Variants in TACC2 observed in about 807,000 individuals in gnomAD.
The protein encoded by TACC2 is transforming acidic coiled-coil containing protein 2.
In TACC2, 137 loss-of-function variants were observed where a neutral mutation model predicts 227.3. That is an observed-to-expected ratio of 0.60 (90% CI 0.52 to 0.69). The LOEUF is 0.69. Among genes scored for constraint, TACC2 ranks in the 30% least tolerant of loss-of-function variants. The pLI, the probability that TACC2 is intolerant of heterozygous loss-of-function variation, is 0.00. For synonymous variants in TACC2, 1,523 were observed against 1,487.5 expected (o/e 1.02, Z -0.55); for missense variants, 3,470 against 3,694.4 (o/e 0.94, Z 1.57).
At chr10:122,008,264 A>ATTATTATTGTAT in intron 1 of TACC2, among the ~76,000 whole-genome samples, 1 of 134,654 alleles carries the variant, frequency 7.4e-6, no homozygotes, top group Non-Finnish European at 1.6e-5. Flanking sequence ...TATTATTATT[A>ATTATTATTGTAT]TTTTTTTTTT....
chr10:122,153,081 C>A (rs1390355823), intron 7 of TACC2, among the ~76,000 whole-genome samples: 2 of 145,716 alleles, frequency 1.4e-5, no homozygotes, highest in Non-Finnish European at 3.0e-5. Flanking sequence ...CTGCAGCCTC[C>A]GCCTCCCAGG....
intron 7 of TACC2, among the ~76,000 whole-genome samples, chr10:122,144,840 C>T (rs910155681): frequency 5.9e-5 from 9 of 152,176 alleles, no homozygotes; most frequent in African/African-American, 2.2e-4. Context: ...GAGGGACTTT[C>T]CATCCTTCAG....
intron 3 of TACC2, among the ~76,000 whole-genome samples, chr10:122,081,888 T>C (rs1164461219): frequency 6.6e-6 from 1 of 152,196 alleles, no homozygotes; most frequent in Non-Finnish European, 1.5e-5. Flanking sequence ...CAGGAATGGC[T>C]CTTTATTTCA....
intron 1 of TACC2, among the ~76,000 whole-genome samples, chr10:122,008,956 AT>A (rs1955594126): frequency 6.6e-6 from 1 of 152,180 alleles, no homozygotes; most frequent in East Asian, 1.9e-4. Flanking sequence ...TTTTTAAAGA[AT>A]TTTCTATGTT....
chr10:122,130,439 C>T (rs948381140), intron 5 of TACC2, among the ~76,000 whole-genome samples: 1 of 152,022 alleles, frequency 6.6e-6, no homozygotes, highest in Non-Finnish European at 1.5e-5. Flanking sequence ...TATACTCTTC[C>T]TTTTTTAAGC....
chr10:122,184,587 C>T (rs553007562), intron 7 of TACC2, among the ~76,000 whole-genome samples: 33 of 152,304 alleles, frequency 2.2e-4, no homozygotes, highest in African/African-American at 6.5e-4. Flanking sequence ...CTGCATCCTC[C>T]CTTGTACGAA....
At chr10:122,144,011 A>G (rs1032698208) in intron 7 of TACC2, among the ~76,000 whole-genome samples, 2 of 152,128 alleles carry the variant, frequency 1.3e-5, no homozygotes, top group African/African-American at 2.4e-5. Flanking sequence ...ATTTATATGT[A>G]TATATATATG....
intron 1 of TACC2, among the ~76,000 whole-genome samples, chr10:122,008,196 T>C (rs926467050): frequency 6.6e-6 from 1 of 152,026 alleles, no homozygotes; most frequent in Non-Finnish European, 1.5e-5. Context: ...TTTTTCCCCC[T>C]AGAAGCCATG....
intron 3 of TACC2, among the ~76,000 whole-genome samples, chr10:122,057,833 AC>A (rs2076367456): frequency 1.3e-5 from 2 of 152,124 alleles, no homozygotes; most frequent in Non-Finnish European, 1.5e-5. Flanking sequence ...TCTCAAAAAA[AC>A]AAAAACAAAA....
In TACC2 at chr10:122,050,518, G is replaced by A; in HGVS notation, c.114G>A (p.Thr38=). ...SQNIKRKQQD[T]PGSPDHRDAS... is the part of the protein sequence containing the mutation. ...ATATAAAAAGGAAGCAGCAGGACAC[G>A]CCCGGAAGCCCTGACCACAGAGACG... The change falls in exon 3 of 23, where the codon ACG becomes ACA. Residue 38 remains threonine, a synonymous_variant. Coordinates refer to ENST00000369005, the MANE Select transcript of TACC2 (RefSeq NM_206862.4). This position sits in a 1 kb window ranked among gnomAD's most constrained non-coding sequence, Gnocchi z 4.6. The A allele has an allele frequency of 4.3e-6, 7 of 1,614,016 alleles. No individual in the cohort carries two copies. Among genetic ancestry groups the A allele is most frequent in the South Asian group, 1.1e-5 (1 of 91,058 alleles).
In TACC2 at chr10:122,211,192, C is replaced by G. The variant is rs774912294; in HGVS notation, c.6767C>G (p.Ser2256Cys). The G allele has an allele frequency of 6.2e-7, 1 of 1,613,548 alleles. No homozygotes were observed. The highest frequency in any genetic ancestry group is 1.3e-5 in the African/African-American group (1 of 74,912). Residue 2256 changes from serine to cysteine, a missense_variant, in exon 9 of 23, where the codon TCT becomes TGT. This residue lies in a region of TACC2 where 593 missense variants were observed against 636.6 expected (regional missense o/e 0.93). Coordinates refer to ENST00000369005, the MANE Select transcript of TACC2 (RefSeq NM_206862.4). ...TPSDSGGQED[S>C]PAKGLSVRLE... is the part of the protein sequence containing the mutation. ...TCGGATAGCGGGGGGCAAGAGGACT[C>G]TCCAGCCAAAGGGCTCTCCGTAAGG...
chr10:122,245,430 T>C (rs1468313360), intron 19 of TACC2, among the ~76,000 whole-genome samples: 1 of 152,192 alleles, frequency 6.6e-6, no homozygotes, highest in African/African-American at 2.4e-5. Flanking sequence ...GGAAATCAGA[T>C]GGACTTGGTT....
chr10:122,035,093 C>T (rs1959837770), intron 2 of TACC2, among the ~76,000 whole-genome samples: 1 of 152,160 alleles, frequency 6.6e-6, no homozygotes, highest in African/African-American at 2.4e-5. Flanking sequence ...CTTGGGGGAT[C>T]CTAGTCCAGG....
chr10:122,060,245 C>G (rs1244620766), intron 3 of TACC2, among the ~76,000 whole-genome samples: 1 of 152,160 alleles, frequency 6.6e-6, no homozygotes, highest in African/African-American at 2.4e-5. Flanking sequence ...GGATTTCCTT[C>G]TGGTGCTGGG....
At chr10:122,217,437 C>CTTTTTTTTTTTTTTT (rs35233150) in intron 11 of TACC2, among the ~76,000 whole-genome samples, 5 of 93,242 alleles carry the variant, frequency 5.4e-5, no homozygotes, top group Admixed American at 2.9e-4. Context: ...TTTCTTTTTT[C>CTTTTTTTTTTTTTTT]TTTTTTTTTT....
chr10:122,155,668 T>A (rs945621205), intron 7 of TACC2, among the ~76,000 whole-genome samples: 2 of 152,144 alleles, frequency 1.3e-5, no homozygotes, highest in African/African-American at 4.8e-5. Context: ...GCCACGTGTC[T>A]GCTGTGGGCC....
intron 7 of TACC2, among the ~76,000 whole-genome samples, chr10:122,172,753 G>C (rs2140103735): frequency 6.6e-6 from 1 of 152,210 alleles, no homozygotes; most frequent in South Asian, 2.1e-4. Context: ...GGGGAGTGAG[G>C]AGCATCCCTC....
At chr10:122,171,390 C>G (rs1018002848) in intron 7 of TACC2, among the ~76,000 whole-genome samples, 1 of 152,198 alleles carries the variant, frequency 6.6e-6, no homozygotes, top group African/African-American at 2.4e-5. Context: ...CAGGGTTTCC[C>G]GGAGCCCTAC....
intron 5 of TACC2, among the ~76,000 whole-genome samples, chr10:122,124,560 A>G (rs4405248): frequency 0.61 from 93,250 of 152,104 alleles, 32,918 homozygotes; most frequent in Non-Finnish European, 0.77. Flanking sequence ...CCCAGCCCCA[A>G]GTGTCCAGCT....
Sources: gnomAD v4.1 joint callset for allele counts (sites outside exome capture counted in the v4.1 genomes callset) on GRCh38, gnomAD v4.1.1 for gene constraint, gnomAD v4.1.1 regional missense constraint, Gnocchi (gnomAD v3.1) non-coding constraint, MANE v1.5 for transcripts, NCBI Gene and HGNC (gene_info 2026-07-23, HGNC 2026-07-21) for gene names.